THSD4: variants seen among roughly 807,000 people sequenced by gnomAD.
The protein encoded by THSD4 is thrombospondin type-1 domain-containing protein 4.
Under a neutral mutation model 119.0 loss-of-function variants are expected in THSD4, and 69 were observed. That is an observed-to-expected ratio of 0.58 (90% CI 0.48 to 0.71). THSD4 has a LOEUF of 0.71. Among genes scored for constraint, THSD4 ranks in the 30% least tolerant of loss-of-function variants. The pLI, the probability that THSD4 is intolerant of heterozygous loss-of-function variation, is 0.00. For synonymous variants in THSD4, 524 were observed against 540.4 expected (o/e 0.97, Z 0.42); for missense variants, 1,393 against 1,391.1 (o/e 1.00, Z -0.02).
chr15:71,476,211 A>G (rs1350649468), intron 7 of THSD4, among the ~76,000 whole-genome samples: 1 of 152,118 alleles, frequency 6.6e-6, no homozygotes, highest in Non-Finnish European at 1.5e-5. Flanking sequence ...ATCTATTCCA[A>G]TGGTTATTTT....
intron 16 of THSD4, among the ~76,000 whole-genome samples, chr15:71,769,140 T>TG (rs753274066): frequency 0.048 from 2 of 42 alleles, 1 homozygote; most frequent in Non-Finnish European, 0.1. Context: ...GGGAGGGAGG[T>TG]GGGGGGTCAG....
At chr15:71,363,501 G>A (rs912252178) in intron 6 of THSD4, among the ~76,000 whole-genome samples, 6 of 152,184 alleles carry the variant, frequency 3.9e-5, no homozygotes, top group African/African-American at 1.4e-4. Context: ...AGCATACTGT[G>A]TTTCTAGAAT....
At chr15:71,216,023 G>A (rs1056372325) in intron 4 of THSD4, among the ~76,000 whole-genome samples, 3 of 148,462 alleles carry the variant, frequency 2.0e-5, no homozygotes, top group African/African-American at 7.4e-5. Flanking sequence ...TAGTGGTATA[G>A]CTCTAAGAAG....
chr15:71,353,887 A>G (rs1596360439), intron 6 of THSD4, among the ~76,000 whole-genome samples: 1 of 152,218 alleles, frequency 6.6e-6, no homozygotes, highest in Non-Finnish European at 1.5e-5. Context: ...TAATATGGGA[A>G]CAGATAAGGT....
At chr15:71,650,031 C>G (rs1052240849) in intron 7 of THSD4, among the ~76,000 whole-genome samples, 2 of 152,182 alleles carry the variant, frequency 1.3e-5, no homozygotes, top group African/African-American at 2.4e-5. Context: ...GGGTGGCAAT[C>G]TCTCACACCT....
intron 6 of THSD4, among the ~76,000 whole-genome samples, chr15:71,405,302 T>A (rs771872063): frequency 1.3e-5 from 2 of 152,244 alleles, no homozygotes; most frequent in Non-Finnish European, 2.9e-5. Context: ...AGGTTTTCAT[T>A]TCTTGTGAGT....
intron 7 of THSD4, among the ~76,000 whole-genome samples, chr15:71,445,848 G>A (rs1055646381): frequency 6.6e-6 from 1 of 152,190 alleles, no homozygotes; most frequent in Admixed American, 6.5e-5. Context: ...AAATCCTTAC[G>A]ATGTGCTTTG....
chr15:71,264,255 G>A (rs11072265), intron 6 of THSD4, among the ~76,000 whole-genome samples: 150,311 of 152,372 alleles, frequency 0.99, 74,171 homozygotes, highest in Middle Eastern at 1. Context: ...TCTCATTCCC[G>A]CAGCCCACCC....
Position 71,606,899 on chromosome 15 carries a change from T to C in THSD4, c.1153-53631T>C, listed in dbSNP as rs191169972. ...TTGGGAGATCAAATCTGAAAACATT[T>C]TGGAGGAGGGGAAAAAGCAGGACTG... On this transcript the variant is annotated intron_variant, in intron 7 of 17. Coordinates refer to ENST00000261862, the MANE Select transcript of THSD4 (RefSeq NM_024817.3). Among the ~76,000 whole-genome samples, 322 of 152,306 alleles carry C rather than the reference T, an allele frequency of 2.1e-3. 1 individual carries two copies. The highest frequency in any genetic ancestry group is 7.4e-3 in the African/African-American group (307 of 41,558).
At chr15:71,765,251 T>C (rs1487506566) in intron 16 of THSD4, 52 bp downstream of exon 16, 1 of 1,574,474 alleles carries the variant, frequency 6.4e-7, no homozygotes. Context: ...GTCCCCCACC[T>C]GAACTCCTAT....
At chr15:71,563,564 CACTT>C (rs748597095) in intron 7 of THSD4, among the ~76,000 whole-genome samples, 4 of 152,214 alleles carry the variant, frequency 2.6e-5, no homozygotes, top group East Asian at 3.9e-4. Flanking sequence ...AGCCAAATAA[CACTT>C]AATCATTTTA....
chr15:71,262,174 CA>C (rs1051635373), intron 6 of THSD4, among the ~76,000 whole-genome samples: 2 of 152,178 alleles, frequency 1.3e-5, no homozygotes, highest in African/African-American at 4.8e-5. Context: ...CTCTGATAAA[CA>C]CATTAATTTT....
rs532121821 is a variant in THSD4, at chr15:71,426,704, T to G, written c.1152+14881T>G. Among the ~76,000 whole-genome samples the G allele has an allele frequency of 3.9e-5, 6 of 152,314 alleles. No individual in the cohort carries two copies. The South Asian group carries it at 1.2e-3, about 32-fold the overall frequency. On this transcript the variant is annotated intron_variant, in intron 7 of 17. Transcript: ENST00000261862. ...ACTTAATGTGACTCTTTGTGGACTC[T>G]CTCTCTTATAAACACCCCAAGCAAA...
chr15:71,139,866 T>G (rs1161372979), intron 1 of THSD4, among the ~76,000 whole-genome samples: 1 of 152,232 alleles, frequency 6.6e-6, no homozygotes, highest in Non-Finnish European at 1.5e-5. Context: ...CTTGCTTCAT[T>G]TGTCTTTCCC....
intron 6 of THSD4, among the ~76,000 whole-genome samples, chr15:71,293,194 A>G (rs2044816941): frequency 1.3e-5 from 2 of 152,128 alleles, no homozygotes; most frequent in South Asian, 4.1e-4. Context: ...TAGGTGGGGT[A>G]GTTGGTTGAT....
intron 6 of THSD4, among the ~76,000 whole-genome samples, chr15:71,351,661 C>T (rs2045745244): frequency 6.6e-6 from 1 of 152,220 alleles, no homozygotes. Flanking sequence ...CAGCGATCTC[C>T]AATGTCTTAT....
intron 8 of THSD4, among the ~76,000 whole-genome samples, chr15:71,709,311 CA>C (rs1221141580): frequency 1.3e-5 from 2 of 152,032 alleles, no homozygotes; most frequent in African/African-American, 4.8e-5. Context: ...AATTAGTGAC[CA>C]AATGTAAGAT....
chr15:71,471,397 T>C (rs1050795999), intron 7 of THSD4, among the ~76,000 whole-genome samples: 53 of 152,084 alleles, frequency 3.5e-4, no homozygotes, highest in Non-Finnish European at 6.5e-4. Context: ...ATGTGCTTAA[T>C]ACTTTCTGTT....
At chr15:71,633,180 C>A (rs1458188735) in intron 7 of THSD4, among the ~76,000 whole-genome samples, 4 of 151,986 alleles carry the variant, frequency 2.6e-5, no homozygotes, top group Non-Finnish European at 4.4e-5. Context: ...GAGAAAGATA[C>A]CACAGAGGCT....
Sources: gnomAD v4.1 joint callset for allele counts (sites outside exome capture counted in the v4.1 genomes callset) on GRCh38, gnomAD v4.1.1 for gene constraint, MANE v1.5 for transcripts, NCBI Gene and HGNC (gene_info 2026-07-23, HGNC 2026-07-21) for gene names.